Variants in NLGN1 observed in about 807,000 individuals in gnomAD.
NLGN1 encodes the protein neuroligin 1.
Under a neutral mutation model 65.5 loss-of-function variants are expected in NLGN1, and 12 were observed. The ratio of observed to expected loss-of-function variants is 0.18; its 90% CI spans 0.12 to 0.30. NLGN1 has a LOEUF of 0.30. NLGN1 is among the 10% of genes least tolerant of loss of function. NLGN1 has a pLI of 1.00. For synonymous variants in NLGN1, 350 were observed against 359.5 expected (o/e 0.97, Z 0.30); for missense variants, 750 against 1,007.1 (o/e 0.74, Z 3.46).
At chr3:174,043,567 G>A (rs1275365045) in intron 4 of NLGN1, among the ~76,000 whole-genome samples, 1 of 152,216 alleles carries the variant, frequency 6.6e-6, no homozygotes, top group Admixed American at 6.5e-5. Flanking sequence ...AAACCTTAAG[G>A]TTCCAGAATG....
chr3:174,055,267 A>T (rs576892709), intron 4 of NLGN1, among the ~76,000 whole-genome samples: 2 of 151,184 alleles, frequency 1.3e-5, no homozygotes, highest in Non-Finnish European at 2.9e-5. Context: ...CATGTAAATG[A>T]CTCTGGACCC....
chr3:173,714,394 C>T (rs986377060), intron 3 of NLGN1, among the ~76,000 whole-genome samples: 3 of 152,070 alleles, frequency 2.0e-5, no homozygotes, highest in Non-Finnish European at 4.4e-5. Context: ...CCATATTTGC[C>T]TTCCTTAAGT....
chr3:173,891,645 A>C (rs1421070572), intron 4 of NLGN1, among the ~76,000 whole-genome samples: 2 of 152,192 alleles, frequency 1.3e-5, no homozygotes, highest in Non-Finnish European at 2.9e-5. Flanking sequence ...CCCATTTGCC[A>C]ACCTCCCTAG....
intron 3 of NLGN1, among the ~76,000 whole-genome samples, chr3:173,800,020 TAAAAG>T (rs1715086645): frequency 7.1e-6 from 1 of 141,224 alleles, no homozygotes; most frequent in African/African-American, 2.6e-5. Flanking sequence ...TTTTTTTTTT[TAAAAG>T]TCTTTGCTCA....
At chr3:173,546,570 C>T (rs921068698) in intron 2 of NLGN1, among the ~76,000 whole-genome samples, 1 of 152,132 alleles carries the variant, frequency 6.6e-6, no homozygotes, top group African/African-American at 2.4e-5. Context: ...AAGAAAAATG[C>T]ACATAAATTA....
At chr3:173,897,848 A>G (rs769063851) in intron 4 of NLGN1, among the ~76,000 whole-genome samples, 20 of 152,166 alleles carry the variant, frequency 1.3e-4, no homozygotes, top group Non-Finnish European at 2.9e-4. Context: ...AATCAATACT[A>G]ATAGAATAGC....
chr3:173,908,470 T>G (rs1738896541), intron 4 of NLGN1, among the ~76,000 whole-genome samples: 1 of 152,208 alleles, frequency 6.6e-6, no homozygotes, highest in East Asian at 1.9e-4. Context: ...GGGAAAAAGC[T>G]GCATGAGAGA....
intron 4 of NLGN1, among the ~76,000 whole-genome samples, chr3:173,904,115 A>G (rs1037472082): frequency 2.0e-5 from 3 of 152,136 alleles, no homozygotes; most frequent in African/African-American, 7.2e-5. Flanking sequence ...AATTTATTTT[A>G]TTATTTGAAA....
At chr3:173,767,411 T>C (rs1778929122) in intron 3 of NLGN1, among the ~76,000 whole-genome samples, 1 of 152,034 alleles carries the variant, frequency 6.6e-6, no homozygotes, top group Non-Finnish European at 1.5e-5. Context: ...TATTTTATTA[T>C]ATGTAGAGGA....
intron 2 of NLGN1, among the ~76,000 whole-genome samples, chr3:173,577,677 CTGCT>C (rs1269267334): frequency 6.6e-6 from 1 of 152,150 alleles, no homozygotes; most frequent in East Asian, 1.9e-4. Context: ...CTAAATCATT[CTGCT>C]TGTTTCTAGG....
At chr3:174,121,732 C>T (rs1462006141) in intron 4 of NLGN1, among the ~76,000 whole-genome samples, 2 of 152,096 alleles carry the variant, frequency 1.3e-5, no homozygotes, top group South Asian at 2.1e-4. Context: ...CTTATACCTC[C>T]GGTAGCTTAC....
rs574335161 is a variant in NLGN1 at position 174,163,672 on chromosome 3, G to A, written c.647-111643G>A. 1.3e-4 allele frequency among the ~76,000 whole-genome samples: 20 copies of A among 152,108 alleles called. No homozygotes were observed. The South Asian group carries it at 3.3e-3, about 25-fold the overall frequency. On this transcript the variant is annotated intron_variant, in intron 4 of 6. Coordinates refer to ENST00000457714, the Ensembl canonical transcript of NLGN1. ...ATATTTTGCTTCCACTTCTAATTGAGAACACACAGTATTTGGTTTTTTGTT... is the reference window on the plus strand; with the variant it reads ...ATATTTTGCTTCCACTTCTAATTGAAAACACACAGTATTTGGTTTTTTGTT...
At chr3:174,211,012 C>CGTCTGGA (rs1254247750) in intron 4 of NLGN1, among the ~76,000 whole-genome samples, 4 of 152,078 alleles carry the variant, frequency 2.6e-5, no homozygotes, top group Admixed American at 2.0e-4. Context: ...TAAGGTGGCG[C>CGTCTGGA]GTCTGGAGTC....
intron 4 of NLGN1, among the ~76,000 whole-genome samples, chr3:174,128,939 A>G (rs1719540771): frequency 6.6e-6 from 1 of 152,188 alleles, no homozygotes; most frequent in African/African-American, 2.4e-5. Context: ...AATTAGAGAG[A>G]GAAATTTCTC....
intron 4 of NLGN1, among the ~76,000 whole-genome samples, chr3:173,963,376 A>G (rs1714062066): frequency 6.6e-6 from 1 of 152,204 alleles, no homozygotes; most frequent in Non-Finnish European, 1.5e-5. Context: ...AAGATGGAGC[A>G]AAACGCATAA....
chr3:173,720,167 C>A (rs890858540), intron 3 of NLGN1, among the ~76,000 whole-genome samples: 1 of 152,016 alleles, frequency 6.6e-6, no homozygotes, highest in African/African-American at 2.4e-5. Flanking sequence ...ATTTCTGAGT[C>A]ACGATCCAGG....
intron 3 of NLGN1, among the ~76,000 whole-genome samples, chr3:173,770,815 CAT>C (rs1270626930): frequency 2.0e-5 from 3 of 151,938 alleles, no homozygotes; most frequent in Non-Finnish European, 4.4e-5. Context: ...ATTCAATTAA[CAT>C]ATAATTCGCA....
intron 4 of NLGN1, among the ~76,000 whole-genome samples, chr3:173,845,554 GGATA>G (rs544785368): frequency 2.4e-3 from 367 of 151,506 alleles, no homozygotes; most frequent in Non-Finnish European, 3.7e-3. Flanking sequence ...TAAGATAGAT[GGATA>G]GATAGATAGG....
At chr3:174,026,716 A>G (rs1362776173) in intron 4 of NLGN1, among the ~76,000 whole-genome samples, 2 of 152,184 alleles carry the variant, frequency 1.3e-5, no homozygotes, top group African/African-American at 2.4e-5. Flanking sequence ...TATCATGACT[A>G]TGTCCCATGC....
Sources: gnomAD v4.1 joint callset for allele counts (sites outside exome capture counted in the v4.1 genomes callset) on GRCh38, gnomAD v4.1.1 for gene constraint, MANE v1.5 for transcripts, NCBI Gene and HGNC (gene_info 2026-07-23, HGNC 2026-07-21) for gene names.